GRID2: variants seen among roughly 807,000 people sequenced by gnomAD.
The protein encoded by GRID2 is glutamate receptor ionotropic, delta-2.
GRID2 carries 33 observed loss-of-function variants against 114.8 expected under a neutral mutation model. That is an observed-to-expected ratio of 0.29 (90% CI 0.22 to 0.38). The LOEUF is 0.38. Among genes scored for constraint, GRID2 ranks in the 10% least tolerant of loss-of-function variants. The pLI is 1.00. For missense variants in GRID2, 1,184 were observed against 1,257.7 expected (o/e 0.94, Z 0.89); for synonymous variants, 505 against 449.9 (o/e 1.12, Z -1.55).
chr4:93,013,022 T>C (rs1308626914), intron 2 of GRID2, among the ~76,000 whole-genome samples: 2 of 152,100 alleles, frequency 1.3e-5, no homozygotes, highest in Non-Finnish European at 2.9e-5. Context: ...TGGGATATTT[T>C]ATGCATAATT....
exon 2 of GRID2, chr4:93,807,093 G>A (rs1275750984): frequency 2.0e-5 from 3 of 152,284 alleles, no homozygotes; most frequent in African/African-American, 7.2e-5. Context: ...TTCAGCCACA[G>A]GTCATGGATC....
At chr4:92,923,002 A>T (rs1749493140) in intron 2 of GRID2, among the ~76,000 whole-genome samples, 1 of 152,204 alleles carries the variant, frequency 6.6e-6, no homozygotes, top group African/African-American at 2.4e-5. Context: ...AAATACCATT[A>T]AACTTTACAT....
At chr4:92,783,659 G>A (rs1173378325) in intron 2 of GRID2, among the ~76,000 whole-genome samples, 1 of 152,074 alleles carries the variant, frequency 6.6e-6, no homozygotes. Context: ...CAGGCAGGAG[G>A]ATTGCCTGAG....
In GRID2 at chr4:92,304,880, C is replaced by T. The variant is rs7666992; in HGVS notation, c.88+136C>T. The T allele has an allele frequency of 3.5e-4, 241 of 698,330 alleles. No homozygotes were observed. In the African/African-American group the frequency reaches 3.6e-3, roughly 10 times the overall value. The allele number at this position is 698,330 out of a possible 1,614,324, so 43.3% of individuals were successfully genotyped here. A position where few individuals can be genotyped will look rare whatever the true frequency, so the allele number is the denominator to read the frequency against. On this transcript the variant is annotated intron_variant, in intron 1 of 15. Transcript: ENST00000282020. ...CAGTTCATTGCCCCTTCCCGCTACC[C>T]TTCCCTCACACTTGCTCAGTTTTCT...
intron 4 of GRID2, among the ~76,000 whole-genome samples, chr4:93,203,155 A>G (rs188799408): frequency 6.6e-6 from 1 of 152,184 alleles, no homozygotes; most frequent in African/African-American, 2.4e-5. Flanking sequence ...ACATTGCTTT[A>G]TTTTGGTAAC....
chr4:93,557,472 A>G (rs996327608), intron 13 of GRID2, among the ~76,000 whole-genome samples: 1 of 152,170 alleles, frequency 6.6e-6, no homozygotes, highest in African/African-American at 2.4e-5. Flanking sequence ...TAAACCAACA[A>G]AGATCAAAAA....
intron 2 of GRID2, among the ~76,000 whole-genome samples, chr4:92,888,902 A>C (rs987602839): frequency 6.6e-6 from 1 of 152,022 alleles, no homozygotes; most frequent in Non-Finnish European, 1.5e-5. Flanking sequence ...GTTTCATGCT[A>C]CATATTATCT....
chr4:93,693,166 C>A (rs1347430672), intron 14 of GRID2, among the ~76,000 whole-genome samples: 1 of 152,074 alleles, frequency 6.6e-6, no homozygotes, highest in Non-Finnish European at 1.5e-5. Flanking sequence ...AAAGTAAAGA[C>A]TTGAATATGT....
intron 13 of GRID2, among the ~76,000 whole-genome samples, chr4:93,587,331 C>G (rs763574450): frequency 1.6e-4 from 25 of 152,030 alleles, no homozygotes; most frequent in Admixed American, 3.3e-4. Flanking sequence ...ATAACAAAAT[C>G]TAGCAACGTA....
chr4:93,093,677 C>A (rs538432717), intron 3 of GRID2, among the ~76,000 whole-genome samples: 1 of 152,088 alleles, frequency 6.6e-6, no homozygotes, highest in East Asian at 1.9e-4. Flanking sequence ...TGAGCATTTT[C>A]CCCTCTTCCC....
chr4:92,444,124 T>G (rs1733299470), intron 1 of GRID2, among the ~76,000 whole-genome samples: 1 of 152,164 alleles, frequency 6.6e-6, no homozygotes, highest in South Asian at 2.1e-4. Flanking sequence ...AGGTGGATCT[T>G]TCTCACGGAG....
intron 2 of GRID2, among the ~76,000 whole-genome samples, chr4:92,850,228 A>G (rs1743671702): frequency 6.6e-6 from 1 of 151,576 alleles, no homozygotes; most frequent in African/African-American, 2.4e-5. Context: ...AATCTACACT[A>G]CATACTGGTT....
intron 13 of GRID2, among the ~76,000 whole-genome samples, chr4:93,562,321 A>G (rs1273020149): frequency 2.0e-5 from 3 of 151,928 alleles, no homozygotes; most frequent in Non-Finnish European, 4.4e-5. Context: ...TCATATGCCT[A>G]CTTACCATCT....
chr4:92,822,402 G>A (rs1036763129), intron 2 of GRID2: 32 of 585,510 alleles, frequency 5.5e-5, no homozygotes, highest in Non-Finnish European at 7.0e-5. Context: ...GCCAGATTCC[G>A]TACCTTGACC....
intron 1 of GRID2, among the ~76,000 whole-genome samples, chr4:92,550,074 C>T (rs1726499645): frequency 6.6e-6 from 1 of 152,094 alleles, no homozygotes; most frequent in African/African-American, 2.4e-5. Context: ...TTTACCTGAA[C>T]TTCCAGAATA....
intron 14 of GRID2, among the ~76,000 whole-genome samples, chr4:93,693,041 AC>A (rs1424301577): frequency 6.6e-6 from 1 of 152,122 alleles, no homozygotes; most frequent in East Asian, 1.9e-4. Context: ...TGCCAGTTGA[AC>A]TAAGATCTGC....
intron 4 of GRID2, among the ~76,000 whole-genome samples, chr4:93,163,892 G>T (rs1193002804): frequency 6.6e-6 from 1 of 151,934 alleles, no homozygotes; most frequent in East Asian, 1.9e-4. Flanking sequence ...GACAAACATG[G>T]AGACTCAGAA....
At chr4:93,157,446 T>A (rs1486609399) in intron 4 of GRID2, among the ~76,000 whole-genome samples, 2 of 151,758 alleles carry the variant, frequency 1.3e-5, no homozygotes, top group Non-Finnish European at 3.0e-5. Context: ...TTGTGTAGTA[T>A]CAGTTTTAAG....
intron 2 of GRID2, among the ~76,000 whole-genome samples, chr4:92,664,605 T>C (rs1057199712): frequency 6.6e-6 from 1 of 151,140 alleles, no homozygotes; most frequent in Non-Finnish European, 1.5e-5. Context: ...TTATCTTCTG[T>C]CTGGTTGTTC....
Sources: allele counts gnomAD v4.1 joint callset (sites outside exome capture counted in the v4.1 genomes callset), GRCh38; gene constraint gnomAD v4.1.1; transcripts MANE v1.5; gene names NCBI Gene and HGNC (gene_info 2026-07-23, HGNC 2026-07-21).